Variants in SNX13 observed in about 807,000 individuals in gnomAD.
The protein encoded by SNX13 is sorting nexin-13.
In SNX13, 45 loss-of-function variants were observed where a neutral mutation model predicts 133.6. The ratio of observed to expected loss-of-function variants is 0.34; its 90% confidence interval spans 0.27 to 0.43. The LOEUF (loss-of-function observed/expected upper bound fraction) is 0.43, where lower values mean the gene tolerates loss of function less well. Ranked by LOEUF, SNX13 falls within the 20% of genes least tolerant of loss-of-function variation. SNX13 has a pLI of 1.00. For synonymous variants in SNX13, 414 were observed against 373.9 expected, an observed-to-expected ratio of 1.11 and a Z score of -1.24; for missense variants, 1,032 against 1,145.1, an observed-to-expected ratio of 0.90 and a Z score of 1.43.
chr7:17,895,972 T>A (rs1797161345), intron 2 of SNX13, among the ~76,000 whole-genome samples: 1 of 152,112 alleles, frequency 6.6e-6, no homozygotes, highest in Admixed American at 6.5e-5. Flanking sequence ...TTAGTGAAAT[T>A]AGAAGAAATT....
At chr7:17,802,182 G>C (rs565972871) in intron 21 of SNX13, among the ~76,000 whole-genome samples, 213 of 152,064 alleles carry the variant, frequency 1.4e-3, no homozygotes, top group Non-Finnish European at 2.6e-3. Context: ...GTGAGAAGTA[G>C]GTTTGTGGAA....
intron 18 of SNX13, among the ~76,000 whole-genome samples, chr7:17,819,274 T>A (rs1787013427): frequency 1.3e-5 from 2 of 152,130 alleles, no homozygotes; most frequent in Non-Finnish European, 2.9e-5. Context: ...TGGAACAGGG[T>A]CTCACTCTGT....
At chr7:17,819,090 A>C (rs1345194512) in intron 18 of SNX13, among the ~76,000 whole-genome samples, 1 of 152,228 alleles carries the variant, frequency 6.6e-6, no homozygotes, top group Non-Finnish European at 1.5e-5. Flanking sequence ...TATTTGTTAA[A>C]TCAATGAATG....
intron 9 of SNX13, among the ~76,000 whole-genome samples, chr7:17,862,989 C>G (rs1327782100): frequency 6.6e-6 from 1 of 152,124 alleles, no homozygotes; most frequent in African/African-American, 2.4e-5. Context: ...TCCCCTCAAC[C>G]CTGGACAGCA....
intron 16 of SNX13, among the ~76,000 whole-genome samples, chr7:17,827,272 C>G (rs1199313111): frequency 6.6e-6 from 1 of 151,898 alleles, no homozygotes; most frequent in Non-Finnish European, 1.5e-5. Flanking sequence ...CTTGGGGACA[C>G]CGAACATATA....
intron 1 of SNX13, among the ~76,000 whole-genome samples, chr7:17,917,318 G>A (rs1018893027): frequency 9.2e-5 from 14 of 151,918 alleles, no homozygotes; most frequent in Non-Finnish European, 1.8e-4. Context: ...AGAGCAATCC[G>A]GCAAGGAAAA....
intron 1 of SNX13, among the ~76,000 whole-genome samples, chr7:17,931,972 C>T (rs1315544177): frequency 6.6e-6 from 1 of 152,098 alleles, no homozygotes; most frequent in African/African-American, 2.4e-5. Context: ...TAGCAGCTGC[C>T]CTCCTTAAAA....
chr7:17,924,508 T>C (rs1447872135), intron 1 of SNX13, among the ~76,000 whole-genome samples: 1 of 152,144 alleles, frequency 6.6e-6, no homozygotes, highest in Non-Finnish European at 1.5e-5. Context: ...CTTCCTACAC[T>C]CCTGGTAGAA....
chr7:17,862,085 C>G (rs1792775822), intron 9 of SNX13, among the ~76,000 whole-genome samples: 1 of 152,160 alleles, frequency 6.6e-6, no homozygotes, highest in Non-Finnish European at 1.5e-5. Flanking sequence ...AATGTTTTTA[C>G]TATATACGTA....
rs191769528 is a variant in SNX13 at position 17,837,089 on chromosome 7, T to G, written c.1360-2224A>C. 9.1e-4 allele frequency among the ~76,000 whole-genome samples: 139 copies of G among 152,104 alleles called. 1 individual carries two copies. The highest frequency in any genetic ancestry group is 3.2e-3 in the African/African-American group (131 of 41,528). On this transcript the variant is annotated intron_variant, in intron 13 of 25. Coordinates refer to ENST00000428135, the MANE Select transcript of SNX13 (RefSeq NM_015132.5). The stretch of plus-strand genomic sequence containing the variant: ...TCTTTTCAAGCCCACCTCACACTTA[T>G]TTCTTGTGTCAATCCAATGTGAAGG...
At chr7:17,910,877 T>C (rs751534923) in intron 1 of SNX13, among the ~76,000 whole-genome samples, 33 of 152,216 alleles carry the variant, frequency 2.2e-4, no homozygotes, top group Non-Finnish European at 8.8e-5. Flanking sequence ...GATTGGTGAC[T>C]GCCACGGGCT....
At chr7:17,806,751 G>A (rs577027244) in intron 20 of SNX13, among the ~76,000 whole-genome samples, 2 of 152,286 alleles carry the variant, frequency 1.3e-5, no homozygotes, top group East Asian at 1.9e-4. Context: ...TTCCAACTGA[G>A]GTACCCAGCT....
At chr7:17,802,974 T>C (rs1274949192) in intron 21 of SNX13, among the ~76,000 whole-genome samples, 1 of 152,154 alleles carries the variant, frequency 6.6e-6, no homozygotes, top group Non-Finnish European at 1.5e-5. Flanking sequence ...ATGGTAATGA[T>C]GAACTTTTCT....
chr7:17,882,739 G>C (rs1321692232), intron 5 of SNX13: 1 of 1,081,894 alleles, frequency 9.2e-7, no homozygotes, highest in South Asian at 2.0e-5. Flanking sequence ...AACCTGACCA[G>C]AGAATCTTAC....
At chr7:17,904,513 G>A (rs1798185302) in intron 1 of SNX13, among the ~76,000 whole-genome samples, 1 of 152,138 alleles carries the variant, frequency 6.6e-6, no homozygotes, top group South Asian at 2.1e-4. Flanking sequence ...AGTGGAAAAT[G>A]CAGTTTTAGA....
chr7:17,888,387 AG>A (rs1256805362), intron 5 of SNX13: 2 of 200,958 alleles, frequency 1.0e-5, no homozygotes, highest in Non-Finnish European at 2.0e-5. Flanking sequence ...GTGAAAAGAA[AG>A]GTGACTAGGG....
chr7:17,803,617 G>A (rs1784871527), intron 20 of SNX13, 37 bp from the exon 21 acceptor site: 2 of 1,540,986 alleles, frequency 1.3e-6, no homozygotes, highest in Non-Finnish European at 8.8e-7. Flanking sequence ...TGACTTTATT[G>A]TACCAGAGTT....
chr7:17,882,878 G>T, intron 5 of SNX13: 1 of 1,280,324 alleles, frequency 7.8e-7, no homozygotes, highest in South Asian at 1.3e-5. Context: ...AGGGTTCCAG[G>T]AAGCGGAGGT....
intron 1 of SNX13, among the ~76,000 whole-genome samples, chr7:17,901,691 G>T (rs1466465917): frequency 6.6e-6 from 1 of 152,192 alleles, no homozygotes; most frequent in Non-Finnish European, 1.5e-5. Context: ...GATGAGGGAG[G>T]GGTGGCATTG....
Sources: allele counts gnomAD v4.1 joint callset (sites outside exome capture counted in the v4.1 genomes callset), GRCh38; gene constraint gnomAD v4.1.1; transcripts MANE v1.5; gene names NCBI Gene and HGNC (gene_info 2026-07-23, HGNC 2026-07-21).